The following LTA4H variants were observed in gnomAD, a reference collection of about 807,000 sequenced individuals.
The protein encoded by LTA4H is leukotriene A-4 hydrolase.
A neutral mutation model predicts 89.8 loss-of-function variants in LTA4H; 59 were observed. The ratio of observed to expected loss-of-function variants is 0.66; its 90% CI spans 0.53 to 0.82. The LOEUF is 0.82. Among genes scored for constraint, LTA4H ranks in the 40% least tolerant of loss-of-function variants. LTA4H has a pLI of 0.00. For synonymous variants in LTA4H, 227 were observed against 253.1 expected (o/e 0.90, Z 0.98); for missense variants, 617 against 727.0 (o/e 0.85, Z 1.74).
chr12:96,006,393 A>C lies in LTA4H; in HGVS notation c.1451T>G (p.Leu484Ter). 2 of 1,607,618 alleles carry C rather than the reference A, an allele frequency of 1.2e-6. No homozygotes were observed. Among genetic ancestry groups the C allele is most frequent in the Non-Finnish European group, 1.7e-6 (2 of 1,175,462 alleles). ...CAGGTCTGTGGCATTGAATGAATTT[A>C]AATCATCTTCTTTGGCCTGAAATAA... Reference protein sequence around the residue: ...QRWITAKEDDLNSFNATDLKD... With the variant: ...QRWITAKEDD The change falls in exon 16 of 19, where the codon TTA (leucine) becomes TGA (stop). Residue 484 changes from leucine to a stop codon, truncating the protein, a stop_gained. Transcript: ENST00000228740. LOFTEE classifies it high-confidence loss of function.
Position 96,013,080 on chromosome 12 carries a change from T to C in LTA4H, c.1379+108A>G. On this transcript the variant is annotated intron_variant, in intron 14 of 18. Coordinates refer to ENST00000228740, the MANE Select transcript of LTA4H (RefSeq NM_000895.3). ...AAAACACCTAAGAACTCTGCTTTCA[T>C]CATTTACTAGTAACAGTTTCAGGAA... is the stretch of plus-strand genomic sequence containing the variant. 4 of 841,706 alleles carry C rather than the reference T, an allele frequency of 4.8e-6. No homozygotes were observed. The East Asian group carries it at 7.8e-5, about 16-fold the overall frequency. 52.1% of individuals were successfully genotyped at this position (841,706 alleles called of 1,614,324 possible). A position where few individuals can be genotyped will look rare whatever the true frequency, so the allele number is the denominator to read the frequency against.
chr12:96,023,599 G>C (rs765080556), intron 4 of LTA4H, among the ~76,000 whole-genome samples: 2 of 152,138 alleles, frequency 1.3e-5, no homozygotes, highest in Non-Finnish European at 1.5e-5. Flanking sequence ...GGGATGATTT[G>C]GGAAGCAAGA....
chr12:96,040,283 A>G (rs1234176392), upstream of LTA4H, among the ~76,000 whole-genome samples: 1 of 152,220 alleles, frequency 6.6e-6, no homozygotes. Flanking sequence ...CACACTCCTC[A>G]ATAATCTGCC....
chr12:96,009,702 G>A (rs139576710), intron 14 of LTA4H: 3 of 152,498 alleles, frequency 2.0e-5, no homozygotes, highest in Non-Finnish European at 2.9e-5. Flanking sequence ...TAATTGTTAA[G>A]CAAATTATAC....
At position 96,001,080 on chromosome 12, in the gene LTA4H, T is replaced by C. The variant is rs748793205; in HGVS notation, c.1745A>G (p.His582Arg). 2.5e-6 allele frequency: 4 copies of C among 1,613,730 alleles called. No homozygotes were observed. In the South Asian group the frequency reaches 4.4e-5, roughly 18 times the overall value. ...FKDLAAFDKS[H>R]DQAVRTYQEH... Reference sequence around the variant, plus strand: ...TTGGTAGGTTCGGACAGCTTGATCATGGGATTTGTCAAAGGCAGCAAGATC... The same window carrying C: ...TTGGTAGGTTCGGACAGCTTGATCACGGGATTTGTCAAAGGCAGCAAGATC... Residue 582 changes from histidine (H) to arginine (R), a missense_variant, in exon 19 of 19, where the codon CAT (histidine) becomes CGT (arginine). Physicochemically the swap from His to Arg is conservative, Grantham distance 29 (BLOSUM62 0). Around this residue, in one of 3 missense-constraint regions of LTA4H, gnomAD observed 290 missense variants for 339.1 expected, o/e 0.86. Coordinates refer to ENST00000228740, the MANE Select transcript of LTA4H (RefSeq NM_000895.3).
At chr12:96,043,479 C>T (rs1263467259) in exon 1 of LTA4H, 4 of 709,832 alleles carry the variant, frequency 5.6e-6, no homozygotes, top group Non-Finnish European at 4.8e-6. Context: ...GACAAACATG[C>T]GCCTGTAGTC....
At chr12:96,019,356 T>C in intron 6 of LTA4H, 116 bp from the exon 7 acceptor site, 1 of 815,534 alleles carries the variant, frequency 1.2e-6, no homozygotes. Flanking sequence ...ATTTACCATG[T>C]GCCTATGGGA....
chr12:96,035,782 T>C, upstream of LTA4H: 1 of 630,026 alleles, frequency 1.6e-6, no homozygotes, highest in Non-Finnish European at 2.3e-6. Context: ...GGACCAAGCG[T>C]GCTCCTGGAG....
intron 18 of LTA4H, among the ~76,000 whole-genome samples, chr12:96,001,635 T>G (rs1950105108): frequency 6.6e-6 from 1 of 152,046 alleles, no homozygotes; most frequent in Non-Finnish European, 1.5e-5. Context: ...TTATATAGAA[T>G]TTCTGAAAAC....
intron 15 of LTA4H, among the ~76,000 whole-genome samples, chr12:96,007,235 CTCTT>C (rs1333814922): frequency 1.3e-5 from 2 of 152,286 alleles, no homozygotes; most frequent in East Asian, 3.9e-4. Flanking sequence ...CTTCAGAACT[CTCTT>C]TAATAGCAAT....
At chr12:96,008,000 C>G (rs1186444114) in intron 15 of LTA4H, among the ~76,000 whole-genome samples, 1 of 150,342 alleles carries the variant, frequency 6.7e-6, no homozygotes, top group Non-Finnish European at 1.5e-5. Context: ...CAAGTGAGAG[C>G]TAAACGACTG....
At chr12:96,003,620 G>A (rs982784604) in intron 17 of LTA4H, 9 of 330,840 alleles carry the variant, frequency 2.7e-5, no homozygotes, top group Non-Finnish European at 4.3e-5. Flanking sequence ...TAAGGCAAGA[G>A]AGGTTTAGAG....
intron 9 of LTA4H, 60 bp from the exon 10 acceptor site, chr12:96,017,174 C>T: frequency 9.1e-7 from 1 of 1,100,730 alleles, no homozygotes; most frequent in South Asian, 1.3e-5. Flanking sequence ...ATAACCCATT[C>T]TACTGTAAAC....
chr12:96,027,594 A>G (rs1157113273), intron 2 of LTA4H, 30 bp from the exon 3 acceptor site: 4 of 1,419,072 alleles, frequency 2.8e-6, no homozygotes, highest in Non-Finnish European at 9.8e-7. Context: ...ATATTAGTAG[A>G]GTATGATTCC....
At chr12:96,033,006 G>A (rs1445657440) in intron 1 of LTA4H, among the ~76,000 whole-genome samples, 1 of 152,132 alleles carries the variant, frequency 6.6e-6, no homozygotes, top group Non-Finnish European at 1.5e-5. Context: ...TGGGTACTAG[G>A]CTTAATACCT....
At chr12:96,008,953 A>G (rs1399194066) in intron 15 of LTA4H, 141 bp downstream of exon 15, 4 of 683,458 alleles carry the variant, frequency 5.9e-6, no homozygotes, top group Non-Finnish European at 1.0e-5. Context: ...AGTAGATATA[A>G]TATCACCTTA....
intron 3 of LTA4H, among the ~76,000 whole-genome samples, 163 bp from the exon 4 acceptor site, chr12:96,024,710 C>G (rs983687773): frequency 6.6e-6 from 1 of 150,808 alleles, no homozygotes; most frequent in East Asian, 1.9e-4. Context: ...CTCTTGTTGC[C>G]CAGGCTGGAG....
At chr12:96,007,439 G>A (rs1390974013) in intron 15 of LTA4H, among the ~76,000 whole-genome samples, 1 of 152,188 alleles carries the variant, frequency 6.6e-6, no homozygotes, top group African/African-American at 2.4e-5. Context: ...AGCAAGGAGG[G>A]TGGAGAGGGG....
Position 96,021,132 on chromosome 12 carries a change from T to G in LTA4H, c.591A>C (p.Pro197=), listed in dbSNP as rs1276283697. 3 of 1,596,130 alleles carry G rather than the reference T, an allele frequency of 1.9e-6. No homozygotes were observed. In the African/African-American group the frequency reaches 4.1e-5, roughly 22 times the overall value. ...RKIYKFIQKV[P]IPCYLIALVV... ...CTAAAGCAATCAGGTAGCAGGGTAT[T>G]GGAACCTAAAGAGGGCAAACAAACG... The change falls in exon 6 of 19, where the codon CCA becomes CCC. Residue 197 remains proline, a synonymous_variant. Transcript: ENST00000228740.
Sources: allele counts gnomAD v4.1 joint callset (sites outside exome capture counted in the v4.1 genomes callset), GRCh38; gene constraint gnomAD v4.1.1; regional missense constraint gnomAD v4.1.1; transcripts MANE v1.5; gene names NCBI Gene and HGNC (gene_info 2026-07-23, HGNC 2026-07-21).